ATP10B: variants seen among roughly 807,000 people sequenced by gnomAD.
ATP10B encodes phospholipid-transporting ATPase VB.
ATP10B carries 122 observed loss-of-function variants against 141.2 expected under a neutral mutation model. The ratio of observed to expected loss-of-function variants is 0.86; its 90% CI spans 0.75 to 1.00. The LOEUF is 1.00. Among genes scored for constraint, ATP10B ranks in the 50% least tolerant of loss-of-function variants. The pLI is 0.00. For synonymous variants in ATP10B, 685 were observed against 692.0 expected, an observed-to-expected ratio of 0.99 and a Z score of 0.16; for missense variants, 1,876 against 1,825.3, an observed-to-expected ratio of 1.03 and a Z score of -0.51.
chr5:160,662,663 T>C (rs1762021312), intron 7 of ATP10B, among the ~76,000 whole-genome samples: 1 of 152,218 alleles, frequency 6.6e-6, no homozygotes, highest in African/African-American at 2.4e-5. Context: ...GATTAAAGAC[T>C]TAAATGTTAG....
intron 24 of ATP10B, among the ~76,000 whole-genome samples, chr5:160,570,823 G>A (rs1008089662): frequency 2.6e-5 from 4 of 152,122 alleles, no homozygotes; most frequent in Non-Finnish European, 4.4e-5. Context: ...TTATTTCATT[G>A]TTCTTGAAAT....
At chr5:160,889,466 T>C in the ATP10B span, among the ~76,000 whole-genome samples, 1 of 152,198 alleles carries the variant, frequency 6.6e-6, no homozygotes, top group Non-Finnish European at 1.5e-5. Context: ...ACTGATCAGC[T>C]GACTGTCCTG....
intron 1 of ATP10B, among the ~76,000 whole-genome samples, chr5:160,796,152 A>G (rs992826689): frequency 6.6e-6 from 1 of 152,198 alleles, no homozygotes; most frequent in Non-Finnish European, 1.5e-5. Context: ...ATATCATACC[A>G]CAAAGCATTC....
the ATP10B span, among the ~76,000 whole-genome samples, chr5:160,862,521 C>A: frequency 1.3e-5 from 2 of 151,924 alleles, no homozygotes; most frequent in Non-Finnish European, 2.9e-5. Flanking sequence ...ATACAGGGAC[C>A]CTGTGGGGTC....
chr5:160,714,905 G>A lies in ATP10B; in HGVS notation c.-205+2004C>T, dbSNP rs1273960975. 2.5e-3 allele frequency among the ~76,000 whole-genome samples: 371 copies of A among 146,006 alleles called. 4 individuals are homozygous for A. Among genetic ancestry groups the A allele is most frequent in the African/African-American group, 8.8e-3 (338 of 38,352 alleles). On this transcript the variant is annotated intron_variant, in intron 3 of 25. Coordinates refer to ENST00000327245, the MANE Select transcript of ATP10B (RefSeq NM_025153.3). The stretch of plus-strand genomic sequence containing the variant: ...GGTGTCAGTGTGGCCCTGCTGGGGG[G>A]TGCCTCCCAGTTAGGCTGCTCGGGG...
the ATP10B span, among the ~76,000 whole-genome samples, chr5:160,898,822 A>T: frequency 6.6e-6 from 1 of 152,210 alleles, no homozygotes; most frequent in African/African-American, 2.4e-5. Context: ...GCCATAAAAA[A>T]GGATGAGCTC....
chr5:160,849,216 A>G lies in ATP10B; in HGVS notation c.-576+2725T>C, dbSNP rs560594232. On this transcript the variant is annotated intron_variant, in intron 1 of 25. Transcript: ENST00000327245. ...ATCAATCTTGCTTGTGAGTGGAGGG[A>G]TCTGGAATTTTTAATTAAGCAGATG... Among the ~76,000 whole-genome samples the G allele has an allele frequency of 3.9e-5, 6 of 152,232 alleles. No homozygotes were observed. The South Asian group carries it at 6.2e-4, about 16-fold the overall frequency.
chr5:160,572,557 G>C (rs1391263584), intron 24 of ATP10B, among the ~76,000 whole-genome samples: 1 of 152,204 alleles, frequency 6.6e-6, no homozygotes, highest in African/African-American at 2.4e-5. Context: ...TTTTAAAGCA[G>C]ATGGCTTCAG....
At chr5:160,872,446 C>G in the ATP10B span, among the ~76,000 whole-genome samples, 713 of 152,188 alleles carry the variant, frequency 4.7e-3, 1 homozygote, top group Admixed American at 6.9e-3. Flanking sequence ...TCATGAAATC[C>G]TTGCCTAAAC....
Position 160,632,346 on chromosome 5 carries a change from T to C in ATP10B, c.1403A>G (p.Lys468Arg). The C allele has an allele frequency of 6.2e-7, 1 of 1,614,220 alleles. No homozygotes were observed. The highest frequency in any genetic ancestry group is 8.5e-7 in the Non-Finnish European group (1 of 1,180,028). ...CTCTTCACCATCTGAGTCCAGCTCC[T>C]TTGGGGTCTCCAGTCGCTTAGCTGC... ...QENAKRLETP[K>R]ELDSDGEEWT... The change falls in exon 13 of 26, where the codon AAG (lysine) becomes AGG (arginine). Residue 468 changes from lysine to arginine, a missense_variant. Coordinates refer to ENST00000327245, the MANE Select transcript of ATP10B (RefSeq NM_025153.3).
intron 2 of ATP10B, among the ~76,000 whole-genome samples, chr5:160,769,572 C>T (rs1769729274): frequency 6.7e-6 from 1 of 149,728 alleles, no homozygotes; most frequent in Admixed American, 6.8e-5. Flanking sequence ...AGTGCTCTTC[C>T]CTAGGTACTA....
chr5:160,923,258 G>C, the ATP10B span, among the ~76,000 whole-genome samples: 1 of 152,184 alleles, frequency 6.6e-6, no homozygotes, highest in African/African-American at 2.4e-5. Flanking sequence ...ATGATCTTGT[G>C]GTGGAAGAGG....
intron 18 of ATP10B, among the ~76,000 whole-genome samples, chr5:160,609,378 C>T (rs1757582132): frequency 1.0e-5 from 1 of 98,160 alleles, no homozygotes; most frequent in Non-Finnish European, 2.0e-5. Context: ...TCTGCCATAA[C>T]TTATTTTTTT....
intron 5 of ATP10B, 82 bp downstream of exon 5, chr5:160,687,718 T>C (rs1023037281): frequency 8.5e-5 from 125 of 1,477,680 alleles, no homozygotes; most frequent in Non-Finnish European, 1.1e-4. Flanking sequence ...TGAGCCGAGA[T>C]TGCACGACTA....
chr5:160,630,237 G>C (rs752517629), intron 13 of ATP10B, among the ~76,000 whole-genome samples: 1 of 152,198 alleles, frequency 6.6e-6, no homozygotes, highest in Non-Finnish European at 1.5e-5. Flanking sequence ...AACTTAGTCA[G>C]AACTTGCCTT....
chr5:160,662,928 A>G (rs1041812054), intron 7 of ATP10B, among the ~76,000 whole-genome samples: 29 of 152,244 alleles, frequency 1.9e-4, no homozygotes, highest in African/African-American at 6.8e-4. Context: ...AGAATCTACA[A>G]TGAACTCAAA....
intron 22 of ATP10B, among the ~76,000 whole-genome samples, chr5:160,595,789 T>A (rs1447913446): frequency 1.3e-5 from 2 of 151,290 alleles, no homozygotes; most frequent in African/African-American, 4.9e-5. Flanking sequence ...CTAGAAAATC[T>A]AGAAGAAATG....
chr5:160,847,133 A>T (rs1449745966), intron 1 of ATP10B, among the ~76,000 whole-genome samples: 1 of 152,182 alleles, frequency 6.6e-6, no homozygotes, highest in Non-Finnish European at 1.5e-5. Flanking sequence ...TGTTGTCTGC[A>T]TGATTGCAAG....
chr5:160,849,039 G>A (rs1206843226), intron 1 of ATP10B, among the ~76,000 whole-genome samples: 1 of 152,176 alleles, frequency 6.6e-6, no homozygotes, highest in Non-Finnish European at 1.5e-5. Context: ...CAGCATGTCT[G>A]CGGCAGGGCC....
Sources: gnomAD v4.1 joint callset for allele counts (sites outside exome capture counted in the v4.1 genomes callset) on GRCh38, gnomAD v4.1.1 for gene constraint, MANE v1.5 for transcripts, NCBI Gene and HGNC (gene_info 2026-07-23, HGNC 2026-07-21) for gene names.